SCFD2: variants seen among roughly 807,000 people sequenced by gnomAD.
SCFD2 encodes the protein sec1 family domain containing 2.
SCFD2 carries 54 observed loss-of-function variants against 58.9 expected under a neutral mutation model. The observed-to-expected ratio is 0.92, with a 90% CI of 0.74 to 1.15. The LOEUF (loss-of-function observed/expected upper bound fraction) is 1.15. Ranked by LOEUF, SCFD2 falls within the 50% of genes most tolerant of loss-of-function variation. The pLI is 0.00. For missense variants in SCFD2, 805 were observed against 836.6 expected (o/e 0.96, Z 0.47); for synonymous variants, 321 against 335.9 (o/e 0.96, Z 0.49).
chr4:53,350,760 A>AT (rs1734193425), intron 2 of SCFD2, among the ~76,000 whole-genome samples: 1 of 152,160 alleles, frequency 6.6e-6, no homozygotes. Flanking sequence ...CCCAGGCTGG[A>AT]GTGCTATGGC....
At chr4:52,948,649 A>C (rs1477827892) in intron 5 of SCFD2, 1 of 419,744 alleles carries the variant, frequency 2.4e-6, no homozygotes, top group Non-Finnish European at 4.9e-6. Flanking sequence ...CTAATTTCCA[A>C]CTCCTACTTA....
At position 53,330,481 on chromosome 4, in the gene SCFD2, C is replaced by T. The variant is rs912782044; in HGVS notation, c.1008-16718G>A. ...AAAGAATTTTCAACCCAGAATTTCACATCCAGCCAAACTAAGCTTCAGAAG... is the reference window on the plus strand; with the variant it reads ...AAAGAATTTTCAACCCAGAATTTCATATCCAGCCAAACTAAGCTTCAGAAG... On this transcript the variant is annotated intron_variant, in intron 2 of 8. Transcript: ENST00000401642. Among the ~76,000 whole-genome samples, 48 of 152,208 alleles carry T rather than the reference C, an allele frequency of 3.2e-4. No homozygotes were observed. The East Asian group carries it at 7.7e-3, about 25-fold the overall frequency.
At chr4:53,105,497 C>G (rs956649097) in intron 5 of SCFD2, among the ~76,000 whole-genome samples, 2 of 152,080 alleles carry the variant, frequency 1.3e-5, no homozygotes, top group Non-Finnish European at 2.9e-5. Context: ...CGACCTTGGT[C>G]GGGGGAGGGG....
At chr4:53,008,822 G>C (rs756740329) in intron 5 of SCFD2, among the ~76,000 whole-genome samples, 1 of 152,220 alleles carries the variant, frequency 6.6e-6, no homozygotes. Flanking sequence ...TGGCCTCAAA[G>C]TTCAATAGAA....
chr4:52,883,987 T>C (rs1227414952), intron 8 of SCFD2, among the ~76,000 whole-genome samples: 1 of 152,162 alleles, frequency 6.6e-6, no homozygotes, highest in African/African-American at 2.4e-5. Context: ...CAGACCTTCT[T>C]GGCTTAACCT....
At chr4:53,143,846 G>A (rs1200919486) in intron 5 of SCFD2, among the ~76,000 whole-genome samples, 2 of 150,268 alleles carry the variant, frequency 1.3e-5, no homozygotes, top group African/African-American at 4.9e-5. Context: ...GAATAGAAAT[G>A]TGGTACATTT....
chr4:53,019,479 C>T (rs970480215), intron 5 of SCFD2, among the ~76,000 whole-genome samples: 1 of 152,058 alleles, frequency 6.6e-6, no homozygotes, highest in Non-Finnish European at 1.5e-5. Flanking sequence ...TACTTTTCTA[C>T]CATAAATAGA....
intron 5 of SCFD2, among the ~76,000 whole-genome samples, chr4:53,115,318 T>C (rs1725289691): frequency 6.6e-6 from 1 of 152,086 alleles, no homozygotes; most frequent in Non-Finnish European, 1.5e-5. Context: ...CATGATAAGA[T>C]TAACCCAAAG....
At chr4:53,144,637 A>C (rs1726268249) in intron 5 of SCFD2, among the ~76,000 whole-genome samples, 1 of 151,502 alleles carries the variant, frequency 6.6e-6, no homozygotes, top group Admixed American at 6.6e-5. Flanking sequence ...CAGTTTTTAA[A>C]GTTTGAAATG....
Position 53,076,707 on chromosome 4 carries a change from T to G in SCFD2, c.1561+68626A>C, listed in dbSNP as rs527630689. 6.6e-4 allele frequency among the ~76,000 whole-genome samples: 101 copies of G among 152,232 alleles called. 1 individual carries two copies. In the Middle Eastern group the frequency reaches 0.01, roughly 15 times the overall value. On this transcript the variant is annotated intron_variant, in intron 5 of 8. Coordinates refer to ENST00000401642, the MANE Select transcript of SCFD2 (RefSeq NM_152540.4). ...ATTGAAATATAATTCTCCATCAAAT[T>G]TAATGAACCTTTAAATGGTGATGAG...
At chr4:53,060,892 A>C (rs552473638) in intron 5 of SCFD2, among the ~76,000 whole-genome samples, 1 of 152,326 alleles carries the variant, frequency 6.6e-6, no homozygotes, top group East Asian at 1.9e-4. Flanking sequence ...AAAGAGGTCT[A>C]GATGATCATA....
At chr4:53,333,205 A>T (rs1733551911) in intron 2 of SCFD2, among the ~76,000 whole-genome samples, 2 of 143,752 alleles carry the variant, frequency 1.4e-5, no homozygotes, top group Admixed American at 7.1e-5. Flanking sequence ...TGCCATCCCC[A>T]TCAAGCTACC....
chr4:53,173,995 G>C (rs1478366223), intron 4 of SCFD2, among the ~76,000 whole-genome samples: 1 of 151,696 alleles, frequency 6.6e-6, no homozygotes. Flanking sequence ...AAATAATTAA[G>C]GTATGAATAA....
At chr4:53,275,938 C>T (rs2149071246) in intron 3 of SCFD2, among the ~76,000 whole-genome samples, 1 of 152,018 alleles carries the variant, frequency 6.6e-6, no homozygotes, top group African/African-American at 2.4e-5. Context: ...TATCTATTCA[C>T]TAGTTAATGA....
At chr4:53,192,583 G>C (rs796845602) in intron 4 of SCFD2, among the ~76,000 whole-genome samples, 7 of 152,192 alleles carry the variant, frequency 4.6e-5, no homozygotes, top group African/African-American at 1.7e-4. Context: ...TTCAATAAAT[G>C]GCAACGATAC....
At chr4:53,288,934 T>C (rs890281719) in intron 3 of SCFD2, among the ~76,000 whole-genome samples, 1 of 152,000 alleles carries the variant, frequency 6.6e-6, no homozygotes, top group Non-Finnish European at 1.5e-5. Context: ...AAAACAAAAA[T>C]AGTTACACCA....
intron 4 of SCFD2, among the ~76,000 whole-genome samples, chr4:53,166,379 G>GA (rs1219776230): frequency 1.4e-4 from 22 of 151,980 alleles, no homozygotes; most frequent in South Asian, 4.2e-4. Context: ...TGGCAAAAAG[G>GA]AAAAAAAATC....
At chr4:52,930,755 C>T (rs567315048) in intron 5 of SCFD2, among the ~76,000 whole-genome samples, 1 of 152,234 alleles carries the variant, frequency 6.6e-6, no homozygotes, top group East Asian at 1.9e-4. Flanking sequence ...CATACAATTT[C>T]ATATATTGGT....
At chr4:53,325,212 T>C (rs1056417469) in intron 2 of SCFD2, among the ~76,000 whole-genome samples, 3 of 149,190 alleles carry the variant, frequency 2.0e-5, no homozygotes, top group Admixed American at 6.6e-5. Flanking sequence ...CACGCTTACA[T>C]ATTTGTGACA....
Sources: allele counts gnomAD v4.1 joint callset (sites outside exome capture counted in the v4.1 genomes callset), GRCh38; gene constraint gnomAD v4.1.1; transcripts MANE v1.5; gene names NCBI Gene and HGNC (gene_info 2026-07-23, HGNC 2026-07-21).